The following SEMA3C variants were observed in gnomAD, a reference collection of about 807,000 sequenced individuals.
SEMA3C encodes semaphorin 3C.
Under a neutral mutation model 89.4 loss-of-function variants are expected in SEMA3C, and 47 were observed. The ratio of observed to expected loss-of-function variants is 0.53; its 90% CI spans 0.42 to 0.67. SEMA3C has a LOEUF of 0.67. SEMA3C is among the 30% of genes least tolerant of loss of function. The pLI is 0.00. For missense variants in SEMA3C, 839 were observed against 929.1 expected (o/e 0.90, Z 1.26); for synonymous variants, 310 against 320.2 (o/e 0.97, Z 0.34).
intron 2 of SEMA3C, among the ~76,000 whole-genome samples, chr7:80,907,270 G>C (rs1349279754): frequency 6.6e-6 from 1 of 151,960 alleles, no homozygotes; most frequent in African/African-American, 2.4e-5. Context: ...CTAAAGATCC[G>C]CTCTCTGTGC....
rs1787729351 is a variant in SEMA3C at position 80,743,557 on chromosome 7, GT to G, written c.*1336del. On this transcript the variant is annotated 3_prime_UTR_variant, in exon 18 of 18. Coordinates refer to ENST00000265361, the MANE Select transcript of SEMA3C (RefSeq NM_006379.5). ...AGGTAAATAAAAAAGCAAAAGTAGTGTTTTTAAAATATATATGAGAGCATGA... is the reference window on the plus strand; with the variant it reads ...AGGTAAATAAAAAAGCAAAAGTAGTGTTTTAAAATATATATGAGAGCATGA... 6.6e-6 allele frequency: 1 copy of G among 151,740 alleles called. No individual in the cohort carries two copies. The highest frequency in any genetic ancestry group is 2.4e-5 in the African/African-American group (1 of 41,406). 9.4% of individuals were successfully genotyped at this position (151,740 alleles called of 1,614,324 possible).
intron 2 of SEMA3C, among the ~76,000 whole-genome samples, chr7:80,901,772 GTC>G (rs1332509140): frequency 6.6e-6 from 1 of 152,174 alleles, no homozygotes; most frequent in African/African-American, 2.4e-5. Context: ...TAACATGTGT[GTC>G]TCTGACTTTG....
At position 80,839,227 on chromosome 7, in the gene SEMA3C, A is replaced by C. The variant is rs142835063; in HGVS notation, c.104-10482T>G. Among the ~76,000 whole-genome samples the C allele has an allele frequency of 3.7e-3, 566 of 152,318 alleles. 3 individuals are homozygous for C. The highest frequency in any genetic ancestry group is 0.011 in the African/African-American group (459 of 41,570). ...AGCTATCAGTATCAATGATATTCATACTTCTAGGAAGGCCTCAGTTTCAGA... is the reference window on the plus strand; with the variant it reads ...AGCTATCAGTATCAATGATATTCATCCTTCTAGGAAGGCCTCAGTTTCAGA... On this transcript the variant is annotated intron_variant, in intron 2 of 17. Transcript: ENST00000265361.
At chr7:80,900,902 T>C (rs185893432) in intron 2 of SEMA3C, among the ~76,000 whole-genome samples, 6 of 152,340 alleles carry the variant, frequency 3.9e-5, no homozygotes, top group East Asian at 1.9e-4. Context: ...ATGGAAAATA[T>C]GTAATTTGTG....
At chr7:80,843,202 C>T (rs1402202160) in intron 2 of SEMA3C, among the ~76,000 whole-genome samples, 1 of 152,064 alleles carries the variant, frequency 6.6e-6, no homozygotes, top group Admixed American at 6.6e-5. Flanking sequence ...GAAGAGAGGA[C>T]CTGAATCGTT....
chr7:80,847,882 T>C (rs1478218844), intron 2 of SEMA3C, among the ~76,000 whole-genome samples: 2 of 152,198 alleles, frequency 1.3e-5, no homozygotes, highest in African/African-American at 4.8e-5. Flanking sequence ...ATTTAGCATC[T>C]GCAAATGAAG....
chr7:80,892,871 G>A (rs578177406), intron 2 of SEMA3C, among the ~76,000 whole-genome samples: 14 of 152,004 alleles, frequency 9.2e-5, no homozygotes, highest in African/African-American at 3.1e-4. Flanking sequence ...AATCTTTTCT[G>A]GAAAACAAAA....
chr7:80,811,676 T>C (rs1342758880), intron 5 of SEMA3C, among the ~76,000 whole-genome samples: 1 of 152,104 alleles, frequency 6.6e-6, no homozygotes, highest in Non-Finnish European at 1.5e-5. Flanking sequence ...AGTGTGGAAA[T>C]GGAAAGATCA....
At chr7:80,856,886 T>C (rs1790654838) in intron 2 of SEMA3C, among the ~76,000 whole-genome samples, 1 of 152,072 alleles carries the variant, frequency 6.6e-6, no homozygotes, top group South Asian at 2.1e-4. Flanking sequence ...GGTGCTATCA[T>C]CCTAAATGGA....
intron 10 of SEMA3C, among the ~76,000 whole-genome samples, 178 bp from the exon 11 acceptor site, chr7:80,798,414 A>C (rs926465166): frequency 2.0e-5 from 3 of 152,242 alleles, no homozygotes; most frequent in African/African-American, 7.2e-5. Context: ...TACATAAAGC[A>C]TTACAATACT....
At chr7:80,888,067 C>T (rs1319601698) in intron 2 of SEMA3C, among the ~76,000 whole-genome samples, 1 of 151,920 alleles carries the variant, frequency 6.6e-6, no homozygotes, top group African/African-American at 2.4e-5. Flanking sequence ...CAATTTTTCC[C>T]CTTAAACTAT....
chr7:80,909,344 T>C (rs2116231342), intron 2 of SEMA3C, among the ~76,000 whole-genome samples: 1 of 152,316 alleles, frequency 6.6e-6, no homozygotes, highest in African/African-American at 2.4e-5. Flanking sequence ...TGAGTTTATC[T>C]ATTCCATATA....
intron 4 of SEMA3C, among the ~76,000 whole-genome samples, 164 bp from the exon 5 acceptor site, chr7:80,818,582 A>C (rs986663053): frequency 8.6e-5 from 13 of 151,978 alleles, no homozygotes; most frequent in East Asian, 3.9e-4. Context: ...CCTAGGCCAC[A>C]CTGGAAGAAG....
At chr7:80,866,297 A>T (rs901410582) in intron 2 of SEMA3C, among the ~76,000 whole-genome samples, 3 of 152,138 alleles carry the variant, frequency 2.0e-5, no homozygotes, top group Non-Finnish European at 4.4e-5. Flanking sequence ...TGAGGGGTCC[A>T]GTGTCTTCTA....
At chr7:80,894,867 G>A (rs1404310345) in intron 2 of SEMA3C, among the ~76,000 whole-genome samples, 3 of 152,164 alleles carry the variant, frequency 2.0e-5, no homozygotes, top group Non-Finnish European at 4.4e-5. Flanking sequence ...CACCATGGAT[G>A]CACAAGTAAT....
At chr7:80,784,271 TAAA>T (rs562925081) in intron 12 of SEMA3C, among the ~76,000 whole-genome samples, 4 of 133,062 alleles carry the variant, frequency 3.0e-5, no homozygotes, top group Non-Finnish European at 4.8e-5. Context: ...TCCTCAAGAT[TAAA>T]AAAAAAAAAG....
chr7:80,867,693 C>A (rs1205814025), intron 2 of SEMA3C, among the ~76,000 whole-genome samples: 1 of 151,042 alleles, frequency 6.6e-6, no homozygotes, highest in African/African-American at 2.5e-5. Context: ...TTTATCATTT[C>A]TTTCTATATC....
chr7:80,748,083 G>A (rs145229626), intron 17 of SEMA3C, among the ~76,000 whole-genome samples: 2 of 152,014 alleles, frequency 1.3e-5, no homozygotes, highest in Non-Finnish European at 1.5e-5. Context: ...ACATAAATGC[G>A]GAAGGCTCCA....
chr7:80,823,246 A>T (rs1313139800), intron 4 of SEMA3C, among the ~76,000 whole-genome samples: 1 of 152,192 alleles, frequency 6.6e-6, no homozygotes, highest in African/African-American at 2.4e-5. Context: ...TGCAAATATT[A>T]ACTCATCAAT....
Sources: allele counts gnomAD v4.1 joint callset (sites outside exome capture counted in the v4.1 genomes callset), GRCh38; gene constraint gnomAD v4.1.1; transcripts MANE v1.5; gene names NCBI Gene and HGNC (gene_info 2026-07-23, HGNC 2026-07-21).